Variants in DPH6 observed in about 807,000 individuals in gnomAD.
DPH6 encodes diphthamine biosynthesis 6.
A neutral mutation model predicts 38.2 loss-of-function variants in DPH6; 33 were observed. That is an observed-to-expected ratio of 0.86 (90% confidence interval 0.65 to 1.15). DPH6 has a LOEUF of 1.15. DPH6 is among the 50% of genes most tolerant of loss of function. DPH6 has a pLI of 0.00. For synonymous variants in DPH6, 108 were observed against 103.0 expected (o/e 1.05, Z -0.30); for missense variants, 325 against 320.0 (o/e 1.02, Z -0.12).
chr15:35,259,808 GCTT>G (rs1231865409), intron 3 of DPH6, among the ~76,000 whole-genome samples: 1 of 152,164 alleles, frequency 6.6e-6, no homozygotes, highest in Non-Finnish European at 1.5e-5. Flanking sequence ...GTCACACAAA[GCTT>G]CTTGTCTGGA....
intron 3 of DPH6, among the ~76,000 whole-genome samples, chr15:35,472,102 A>C (rs2054206040): frequency 6.6e-6 from 1 of 152,218 alleles, no homozygotes; most frequent in Non-Finnish European, 1.5e-5. Flanking sequence ...AAAAATAGAT[A>C]AACAACAAAA....
At chr15:35,489,604 C>A in intron 3 of DPH6, 1 of 982,366 alleles carries the variant, frequency 1.0e-6, no homozygotes, top group Non-Finnish European at 1.2e-6. Flanking sequence ...TACCCAAGAG[C>A]AAATATTTAG....
Position 35,415,148 on chromosome 15 carries a change from T to C in DPH6, c.506-4252A>G, listed in dbSNP as rs144284384. The stretch of plus-strand genomic sequence containing the variant: ...TTTTTCACATTTTTCCTTCTTATAT[T>C]CATCTATGACTGCCATGGGTTTGGG... On this transcript the variant is annotated intron_variant, in intron 5 of 8. Coordinates refer to ENST00000256538, the MANE Select transcript of DPH6 (RefSeq NM_080650.4). 3.5e-3 allele frequency among the ~76,000 whole-genome samples: 535 copies of C among 152,078 alleles called. 2 individuals carry two copies. Among genetic ancestry groups the C allele is most frequent in the African/African-American group, 0.012 (485 of 41,534 alleles).
At chr15:35,533,525 T>G (rs2055119480) in intron 3 of DPH6, among the ~76,000 whole-genome samples, 1 of 151,950 alleles carries the variant, frequency 6.6e-6, no homozygotes, top group Admixed American at 6.6e-5. Flanking sequence ...AAAGTAGAGG[T>G]AAGAGAGAAA....
chr15:35,417,462 T>G (rs1410149708), intron 5 of DPH6, among the ~76,000 whole-genome samples: 1 of 151,974 alleles, frequency 6.6e-6, no homozygotes, highest in Middle Eastern at 3.2e-3. Context: ...TAAAATATAT[T>G]TCTCAATAGA....
chr15:35,223,633 C>A (rs988102943), intron 3 of DPH6, among the ~76,000 whole-genome samples: 1 of 151,856 alleles, frequency 6.6e-6, no homozygotes, highest in Non-Finnish European at 1.5e-5. Context: ...TTGCAGTGAG[C>A]GGAGATCGCG....
chr15:35,534,954 T>C (rs1316805666), intron 3 of DPH6, among the ~76,000 whole-genome samples: 1 of 152,200 alleles, frequency 6.6e-6, no homozygotes, highest in Non-Finnish European at 1.5e-5. Context: ...CTAGGCTTCA[T>C]TCTATTAGGA....
intron 3 of DPH6, among the ~76,000 whole-genome samples, chr15:35,467,193 C>A (rs1328176223): frequency 6.6e-6 from 1 of 152,060 alleles, no homozygotes; most frequent in African/African-American, 2.4e-5. Context: ...AAAATATTTT[C>A]TTTATGTCCT....
intron 3 of DPH6, among the ~76,000 whole-genome samples, chr15:35,532,121 T>A (rs1435263582): frequency 1.3e-5 from 2 of 152,058 alleles, no homozygotes; most frequent in African/African-American, 4.8e-5. Context: ...TGAAAAGCAA[T>A]CTCCTAGAAA....
At chr15:35,299,112 A>C in intron 3 of DPH6, 1 of 896,582 alleles carries the variant, frequency 1.1e-6, no homozygotes, top group Non-Finnish European at 1.8e-6. Context: ...CTGGCGTTTC[A>C]CTACTTTCTT....
chr15:35,188,380 T>C, the DPH6 span, among the ~76,000 whole-genome samples: 3 of 152,202 alleles, frequency 2.0e-5, no homozygotes, highest in South Asian at 4.2e-4. Context: ...CAAGTGCTAG[T>C]AGGCCACTGT....
intron 3 of DPH6, among the ~76,000 whole-genome samples, chr15:35,242,962 C>G (rs1209852116): frequency 7.0e-6 from 1 of 142,222 alleles, no homozygotes; most frequent in African/African-American, 2.6e-5. Flanking sequence ...GATATCTCCT[C>G]GTGCTATCCT....
At chr15:35,411,187 G>GA (rs1347583610) in intron 5 of DPH6, among the ~76,000 whole-genome samples, 2 of 151,146 alleles carry the variant, frequency 1.3e-5, no homozygotes, top group East Asian at 1.9e-4. Flanking sequence ...TAATTAGATA[G>GA]AAAAAAAGAG....
chr15:35,161,678 A>C, the DPH6 span, among the ~76,000 whole-genome samples: 2 of 138,820 alleles, frequency 1.4e-5, no homozygotes, highest in Admixed American at 1.5e-4. Context: ...ACCAAGAGCT[A>C]GCTTGCTAGT....
chr15:35,507,912 T>A (rs2054716863), intron 3 of DPH6, among the ~76,000 whole-genome samples: 1 of 152,040 alleles, frequency 6.6e-6, no homozygotes, highest in Non-Finnish European at 1.5e-5. Context: ...CATATACATG[T>A]ATATGTATAG....
chr15:35,394,453 A>T (rs2053101091), intron 6 of DPH6, among the ~76,000 whole-genome samples: 1 of 152,228 alleles, frequency 6.6e-6, no homozygotes, highest in African/African-American at 2.4e-5. Context: ...CTCATAGATG[A>T]TTAAATAAAA....
At chr15:35,172,371 T>C in the DPH6 span, among the ~76,000 whole-genome samples, 1 of 152,330 alleles carries the variant, frequency 6.6e-6, no homozygotes, top group South Asian at 2.1e-4. Context: ...ACAAGGTGTT[T>C]AGGGTAACTT....
rs1426936595 is a variant in DPH6, at chr15:35,538,485, G to C, written c.119-18C>G. 6.8e-7 allele frequency: 1 copy of C among 1,465,712 alleles called. No homozygotes were observed. 90.8% of individuals were successfully genotyped at this position (1,465,712 alleles called of 1,614,324 possible). Reference sequence around the variant, plus strand: ...AGACCCCACTGCAACAATTAAAATGGAAATAATTAGCAAAAGAGAGTGAAA... The same window carrying C: ...AGACCCCACTGCAACAATTAAAATGCAAATAATTAGCAAAAGAGAGTGAAA... On this transcript the variant is annotated intron_variant, in intron 2 of 8. Coordinates refer to ENST00000256538, the MANE Select transcript of DPH6 (RefSeq NM_080650.4).
chr15:35,387,276 G>A (rs1358411000), intron 6 of DPH6, among the ~76,000 whole-genome samples: 1 of 152,172 alleles, frequency 6.6e-6, no homozygotes, highest in African/African-American at 2.4e-5. Context: ...CAGGCAGCAT[G>A]ATGTCTCCAG....
Sources: gnomAD v4.1 joint callset for allele counts (sites outside exome capture counted in the v4.1 genomes callset) on GRCh38, gnomAD v4.1.1 for gene constraint, MANE v1.5 for transcripts, NCBI Gene and HGNC (gene_info 2026-07-23, HGNC 2026-07-21) for gene names.